Variants in LONP1 observed in about 807,000 individuals in gnomAD.
LONP1 encodes lon peptidase 1, mitochondrial.
Under a neutral mutation model 98.5 loss-of-function variants are expected in LONP1, and 31 were observed. The observed-to-expected ratio is 0.31, with a 90% CI of 0.24 to 0.42. The LOEUF (loss-of-function observed/expected upper bound fraction) is 0.42, where lower values mean the gene tolerates loss of function less well. Ranked by LOEUF, LONP1 falls within the 20% of genes least tolerant of loss-of-function variation. LONP1 has a pLI of 1.00. For synonymous variants in LONP1, 781 were observed against 594.7 expected (o/e 1.31, Z -4.56); for missense variants, 1,336 against 1,350.6 (o/e 0.99, Z 0.17).
chr19:5,710,290 T>C (rs1441432726), intron 4 of LONP1, among the ~76,000 whole-genome samples: 1 of 151,974 alleles, frequency 6.6e-6, no homozygotes, highest in East Asian at 1.9e-4. Flanking sequence ...GGTTTCTCCA[T>C]GTTGGTCAGG....
At chr19:5,710,007 CT>C (rs1339497505) in intron 4 of LONP1, among the ~76,000 whole-genome samples, 2 of 151,714 alleles carry the variant, frequency 1.3e-5, no homozygotes, top group South Asian at 2.1e-4. Context: ...TGTCTTCCCC[CT>C]GTTGCAAGAT....
intron 2 of LONP1, 68 bp downstream of exon 2, chr19:5,714,115 G>T: frequency 7.9e-7 from 1 of 1,262,892 alleles, no homozygotes; most frequent in Non-Finnish European, 1.1e-6. Context: ...AAAGTACAGA[G>T]TAGGACTTGT....
At chr19:5,715,641 CATAAAAAAAAAAA>C (rs1379394184) in intron 1 of LONP1, among the ~76,000 whole-genome samples, 1 of 36,298 alleles carries the variant, frequency 2.8e-5, no homozygotes, top group Middle Eastern at 0.024. Context: ...GACTCTGTCT[CATAAAAAAAAAAA>C]AAAAAAAAAA....
intron 6 of LONP1, 65 bp from the exon 7 acceptor site, chr19:5,707,208 T>C (rs2055160295): frequency 2.8e-5 from 39 of 1,389,616 alleles, no homozygotes; most frequent in Non-Finnish European, 3.8e-5. Context: ...AGGGCCGAGG[T>C]TGGGGGAAAA....
At chr19:5,698,193 G>A in intron 10 of LONP1, among the ~76,000 whole-genome samples, 1 of 152,090 alleles carries the variant, frequency 6.6e-6, no homozygotes, top group Admixed American at 6.6e-5. Context: ...CACTGCGCGG[G>A]CCAGCATGCT....
At position 5,706,001 on chromosome 19, in the gene LONP1, T is replaced by TGA; in HGVS notation, c.1147-11_1147-10dup. ...TTGATCTTCTCCTCCACCTGTGGGG[T>TGA]GAGGTGCTGCCATCAGGCCCTGGCT... On this transcript the variant is annotated splice_polypyrimidine_tract_variant and intron_variant, in intron 7 of 17. Transcript: ENST00000360614. 1.2e-6 allele frequency: 2 copies of TGA among 1,602,298 alleles called. No individual in the cohort carries two copies. Among genetic ancestry groups the TGA allele is most frequent in the South Asian group, 2.2e-5 (2 of 90,888 alleles).
chr19:5,695,831 G>A (rs1008912855), intron 13 of LONP1, among the ~76,000 whole-genome samples: 2 of 152,196 alleles, frequency 1.3e-5, no homozygotes, highest in Admixed American at 6.5e-5. Context: ...GGTGGTGGGC[G>A]GTGTTTTGGA....
chr19:5,693,564 C>T lies in LONP1; in HGVS notation c.2526G>A (p.Leu842=), dbSNP rs778924748. The change falls in exon 16 of 18, where the codon CTG becomes CTA. Residue 842 remains leucine, a synonymous_variant. Transcript: ENST00000360614. ...ATGGCGCGGTCACCTCGGGCACATGCAGGTGGATGTGTGAGGTCACCAGGT... is the reference window on the plus strand; with the variant it reads ...ATGGCGCGGTCACCTCGGGCACATGTAGGTGGATGTGTGAGGTCACCAGGT... ...NDYLVTSHIH[L]HVPEGATPKD... 1.1e-5 allele frequency: 18 copies of T among 1,613,918 alleles called. No homozygotes were observed. The highest frequency in any genetic ancestry group is 1.4e-5 in the Non-Finnish European group (17 of 1,179,996).
At chr19:5,719,665 AG>A (rs1273538985) in intron 1 of LONP1, 38 bp downstream of exon 1, 1 of 1,613,252 alleles carries the variant, frequency 6.2e-7, no homozygotes, top group East Asian at 2.2e-5. Flanking sequence ...CTGCTTGCAC[AG>A]GTGGGAAACC....
chr19:5,715,661 AAAAAAAAAAAAAAAAAAAG>A (rs1175114232), intron 1 of LONP1, among the ~76,000 whole-genome samples: 1 of 118,308 alleles, frequency 8.5e-6, no homozygotes, highest in Non-Finnish European at 1.8e-5. Context: ...AAAAAAAAAA[AAAAAAAAAAAAAAAAAAAG>A]AAAGTTTCAC....
chr19:5,714,149 GT>G, intron 2 of LONP1, 33 bp downstream of exon 2: 1 of 1,550,858 alleles, frequency 6.4e-7, no homozygotes, highest in Non-Finnish European at 8.9e-7. Flanking sequence ...CTAGGGCACC[GT>G]CAACAAGGGA....
chr19:5,707,959 G>A (rs2055174762), intron 5 of LONP1, 133 bp from the exon 6 acceptor site: 10 of 1,020,710 alleles, frequency 9.8e-6, no homozygotes, highest in South Asian at 1.6e-5. Flanking sequence ...TGCTCGCTGG[G>A]AGCCAGCTCT....
chr19:5,709,216 C>T (rs1452743476), intron 4 of LONP1, among the ~76,000 whole-genome samples: 4 of 149,906 alleles, frequency 2.7e-5, no homozygotes, highest in East Asian at 4.0e-4. Context: ...TGGCCGGGCG[C>T]GGTGGCTCAC....
intron 4 of LONP1, among the ~76,000 whole-genome samples, chr19:5,710,289 A>G (rs1216603745): frequency 2.0e-5 from 3 of 151,750 alleles, no homozygotes; most frequent in African/African-American, 7.3e-5. Flanking sequence ...GGGTTTCTCC[A>G]TGTTGGTCAG....
chr19:5,694,760 C>T lies in LONP1; in HGVS notation c.2154+1G>A. 1 of 1,588,196 alleles carries T rather than the reference C, an allele frequency of 6.3e-7. No individual in the cohort carries two copies. The highest frequency in any genetic ancestry group is 8.6e-7 in the Non-Finnish European group (1 of 1,159,810). ...GCCAGGAGGGCGGGCTGGCCGCTCA[C>T]CTTCTCCACTTGCTTCTGCAGGTTG... On this transcript the variant is annotated splice_donor_variant, in intron 14 of 17. Coordinates refer to ENST00000360614, the MANE Select transcript of LONP1 (RefSeq NM_004793.4). LOFTEE classifies it high-confidence loss of function.
At chr19:5,693,000 C>G (rs569250270) in intron 17 of LONP1, among the ~76,000 whole-genome samples, 3 of 152,200 alleles carry the variant, frequency 2.0e-5, no homozygotes, top group African/African-American at 7.2e-5. Flanking sequence ...TCCTAAACGT[C>G]GTCCCCATCT....
intron 8 of LONP1, among the ~76,000 whole-genome samples, chr19:5,704,295 C>T (rs1442126706): frequency 6.6e-6 from 1 of 152,212 alleles, no homozygotes; most frequent in Admixed American, 6.5e-5. Flanking sequence ...GATCTCAGGG[C>T]TCGGCATTGT....
chr19:5,693,444 C>T lies in LONP1; in HGVS notation c.2557G>A (p.Gly853Ser), dbSNP rs2054867193. Residue 853 changes from glycine to serine, a missense_variant, in exon 17 of 18, where the codon GGC (glycine) becomes AGC (serine). Gly to Ser is a moderately conservative substitution (Grantham distance 56). Coordinates refer to ENST00000360614, the MANE Select transcript of LONP1 (RefSeq NM_004793.4). ...ACGATGGTGCAGCCTGCGCTTGGGC[C>T]GTCCTTGGGGGTGGCGCCCTGTGGA... ...HVPEGATPKD[G>S]PSAGCTIVTA... 6.8e-6 allele frequency: 11 copies of T among 1,611,340 alleles called. No individual in the cohort carries two copies. The highest frequency in any genetic ancestry group is 1.7e-5 in the Admixed American group (1 of 59,944).
chr19:5,693,629 C>T lies in LONP1; in HGVS notation c.2461G>A (p.Ala821Thr), dbSNP rs1222983728. The T allele has an allele frequency of 3.1e-6, 5 of 1,613,956 alleles. No homozygotes were observed. In the African/African-American group the frequency reaches 4.0e-5, roughly 13 times the overall value. Residue 821 changes from alanine (A) to threonine (T), a missense_variant, in exon 16 of 18, where the codon GCC (alanine) becomes ACC (threonine). By Grantham distance (58) the Ala-to-Thr change is moderately conservative (BLOSUM62 0). This residue lies in a region of LONP1 where 555 missense variants were observed against 542.6 expected (regional missense o/e 1.02). Coordinates refer to ENST00000360614, the MANE Select transcript of LONP1 (RefSeq NM_004793.4). ...GCGTGCTGCATGAGGAAGGCTCTGG[C>T]GAAGGTGTAGGCTATGCGGGCGCTC... ...KESARIAYTF[A>T]RAFLMQHAPA...
Sources: gnomAD v4.1 joint callset for allele counts (sites outside exome capture counted in the v4.1 genomes callset) on GRCh38, gnomAD v4.1.1 for gene constraint, gnomAD v4.1.1 regional missense constraint, MANE v1.5 for transcripts, NCBI Gene and HGNC (gene_info 2026-07-23, HGNC 2026-07-21) for gene names.